The following FOXN3 variants were observed in gnomAD, a reference collection of about 807,000 sequenced individuals.
FOXN3 encodes the protein forkhead box N3.
In FOXN3, 7 loss-of-function variants were observed where a neutral mutation model predicts 38.4. That is an observed-to-expected ratio of 0.18 (90% CI 0.10 to 0.34). FOXN3 has a LOEUF of 0.34. Ranked by LOEUF, FOXN3 falls within the 10% of genes least tolerant of loss-of-function variation. FOXN3 has a pLI of 1.00. For synonymous variants in FOXN3, 230 were observed against 242.2 expected, an observed-to-expected ratio of 0.95 and a Z score of 0.47; for missense variants, 456 against 613.4, an observed-to-expected ratio of 0.74 and a Z score of 2.71.
chr14:89,571,457 C>T (rs945634673), intron 1 of FOXN3, among the ~76,000 whole-genome samples: 20 of 149,418 alleles, frequency 1.3e-4, no homozygotes, highest in Admixed American at 6.7e-4. Flanking sequence ...TGCAGCGAGC[C>T]GAGATTGTGC....
chr14:89,282,016 C>T (rs181250035), intron 3 of FOXN3, among the ~76,000 whole-genome samples: 2 of 152,234 alleles, frequency 1.3e-5, no homozygotes, highest in East Asian at 3.9e-4. Context: ...ACGGTGAATG[C>T]TTCACCATTA....
In FOXN3 at chr14:89,161,511, G is replaced by A. The variant is rs1400981625; in HGVS notation, c.*903C>T. The A allele has an allele frequency of 6.7e-6, 1 of 148,960 alleles. No homozygotes were observed. The highest frequency in any genetic ancestry group is 2.5e-5 in the African/African-American group (1 of 40,168). The allele number at this position is 148,960 out of a possible 1,614,324, so 9.2% of individuals were successfully genotyped here. ...GGTTGCTTTTCACTTGGGCAGTTAAGAAGACACAGCTTGTTTTCCCCATCA... is the reference window on the plus strand; with the variant it reads ...GGTTGCTTTTCACTTGGGCAGTTAAAAAGACACAGCTTGTTTTCCCCATCA... On this transcript the variant is annotated 3_prime_UTR_variant, in exon 6 of 6. Transcript: ENST00000557258.
chr14:89,402,671 C>G lies in FOXN3; in HGVS notation c.543+9263G>C, dbSNP rs528990313. On this transcript the variant is annotated intron_variant, in intron 2 of 5. Transcript: ENST00000557258. ...ACTCCCTCCTGTCCTTCCCTGCACTCCCCTTCTTGCTTCCTAAAATGGGAA... is the reference window on the plus strand; with the variant it reads ...ACTCCCTCCTGTCCTTCCCTGCACTGCCCTTCTTGCTTCCTAAAATGGGAA... Among the ~76,000 whole-genome samples the G allele has an allele frequency of 2.6e-5, 4 of 152,316 alleles. No individual in the cohort carries two copies. The South Asian group carries it at 8.3e-4, about 32-fold the overall frequency.
intron 3 of FOXN3, chr14:89,291,084 T>G: frequency 3.9e-6 from 2 of 506,622 alleles, no homozygotes; most frequent in South Asian, 1.4e-5. Flanking sequence ...ACGGTGTAAA[T>G]CATGTTTGTA....
At chr14:89,328,072 A>G (rs1462768789) in intron 3 of FOXN3, among the ~76,000 whole-genome samples, 1 of 152,268 alleles carries the variant, frequency 6.6e-6, no homozygotes, top group Non-Finnish European at 1.5e-5. Flanking sequence ...ACTTGGGAAG[A>G]GCTTCAAAAC....
chr14:89,164,400 C>T lies in FOXN3; in HGVS notation c.852-1431G>A, dbSNP rs1012131512. ...CGGTTTCCTGTAAGCTCATCTACCT[C>T]GTGATCCATTTCTAAGAGTTCTGGG... On this transcript the variant is annotated intron_variant, in intron 5 of 5. Transcript: ENST00000557258. The surrounding 1 kb of genome is among the most constrained non-coding windows in gnomAD (Gnocchi z 4.3). Among the ~76,000 whole-genome samples, 14 of 152,178 alleles carry T rather than the reference C, an allele frequency of 9.2e-5. No individual in the cohort carries two copies. Among genetic ancestry groups the T allele is most frequent in the East Asian group, 1.9e-4 (1 of 5,196 alleles).
intron 1 of FOXN3, among the ~76,000 whole-genome samples, chr14:89,498,215 T>A: frequency 1.2e-5 from 1 of 80,356 alleles, no homozygotes; most frequent in South Asian, 5.1e-4. Context: ...TCTCTCTTTT[T>A]TTTTTTTTTT....
At chr14:89,432,210 T>C (rs1892173600) in intron 1 of FOXN3, among the ~76,000 whole-genome samples, 1 of 152,192 alleles carries the variant, frequency 6.6e-6, no homozygotes, top group Non-Finnish European at 1.5e-5. Flanking sequence ...ATGTCCCATC[T>C]TTTCCTAGCA....
chr14:89,498,274 T>A (rs1415455564), intron 1 of FOXN3, among the ~76,000 whole-genome samples: 2 of 134,370 alleles, frequency 1.5e-5, no homozygotes, highest in African/African-American at 5.9e-5. Flanking sequence ...TGGAGTACGG[T>A]GGTACGATCT....
At chr14:89,535,131 A>G (rs1446487970) in intron 1 of FOXN3, among the ~76,000 whole-genome samples, 4 of 151,962 alleles carry the variant, frequency 2.6e-5, no homozygotes, top group Non-Finnish European at 2.9e-5. Context: ...TTTTCTCTTT[A>G]TGATTCCATT....
chr14:89,607,454 G>A (rs78102557), intron 1 of FOXN3, among the ~76,000 whole-genome samples: 1 of 151,928 alleles, frequency 6.6e-6, no homozygotes, highest in Admixed American at 6.6e-5. Flanking sequence ...AGCTACTCAG[G>A]AGGCTGAGGC....
chr14:89,424,533 C>T (rs1596267366), intron 1 of FOXN3, among the ~76,000 whole-genome samples: 1 of 152,194 alleles, frequency 6.6e-6, no homozygotes, highest in Admixed American at 6.5e-5. Context: ...TCTCTACAAA[C>T]TCTTACGCAG....
chr14:89,169,528 CTCACAAA>C (rs1455343208), intron 5 of FOXN3, among the ~76,000 whole-genome samples: 1 of 145,594 alleles, frequency 6.9e-6, no homozygotes. Context: ...CACACACACA[CTCACAAA>C]ACACACACAC....
chr14:89,280,138 A>G (rs1490831661), intron 4 of FOXN3, among the ~76,000 whole-genome samples: 1 of 152,244 alleles, frequency 6.6e-6, no homozygotes, highest in East Asian at 1.9e-4. Flanking sequence ...GAGGGATAGA[A>G]AGCTCGAAGG....
chr14:89,200,442 G>A (rs966218940), intron 4 of FOXN3, among the ~76,000 whole-genome samples: 1 of 152,180 alleles, frequency 6.6e-6, no homozygotes, highest in African/African-American at 2.4e-5. Context: ...CTGGTGCTGA[G>A]GGCTGTCTCA....
intron 2 of FOXN3, among the ~76,000 whole-genome samples, chr14:89,377,772 C>T (rs1279768040): frequency 1.3e-5 from 2 of 152,236 alleles, no homozygotes; most frequent in Non-Finnish European, 2.9e-5. Flanking sequence ...AACCAATTCA[C>T]GTGTTGAAGC....
At chr14:89,241,903 C>G (rs1885151187) in intron 4 of FOXN3, among the ~76,000 whole-genome samples, 1 of 152,162 alleles carries the variant, frequency 6.6e-6, no homozygotes, top group Non-Finnish European at 1.5e-5. Context: ...TCTGCCTCTC[C>G]CCACCCATGG....
At chr14:89,467,804 GTTTTTTT>G (rs68132432) in intron 1 of FOXN3, among the ~76,000 whole-genome samples, 6 of 56,578 alleles carry the variant, frequency 1.1e-4, no homozygotes, top group Admixed American at 3.1e-4. Context: ...TTCTTTCTTT[GTTTTTTT>G]TTTTTTTTTT....
rs142272200 is a variant in FOXN3 at position 89,273,467 on chromosome 14, A to C, written c.745+7483T>G. Among the ~76,000 whole-genome samples the C allele has an allele frequency of 3.4e-3, 514 of 152,368 alleles. 3 individuals carry two copies. Among genetic ancestry groups the C allele is most frequent in the African/African-American group, 0.012 (491 of 41,590 alleles). The stretch of plus-strand genomic sequence containing the variant: ...AGCGGGAAGAGCTGAAATTAAAGTC[A>C]GACAGGAAAATACAGGATATCTGAC... On this transcript the variant is annotated intron_variant, in intron 4 of 5. Transcript: ENST00000557258.
Sources: allele counts gnomAD v4.1 joint callset (sites outside exome capture counted in the v4.1 genomes callset), GRCh38; gene constraint gnomAD v4.1.1; non-coding constraint Gnocchi (gnomAD v3.1); transcripts MANE v1.5; gene names NCBI Gene and HGNC (gene_info 2026-07-23, HGNC 2026-07-21).